SLC24A3: variants seen among roughly 807,000 people sequenced by gnomAD.
SLC24A3 encodes the protein sodium/potassium/calcium exchanger 3.
Under a neutral mutation model 75.8 loss-of-function variants are expected in SLC24A3, and 28 were observed. That is an observed-to-expected ratio of 0.37 (90% CI 0.27 to 0.51). The LOEUF is 0.51. SLC24A3 is among the 20% of genes least tolerant of loss of function. The pLI is 0.94. For missense variants in SLC24A3, 663 were observed against 847.8 expected (o/e 0.78, Z 2.71); for synonymous variants, 372 against 334.1 (o/e 1.11, Z -1.24).
intron 3 of SLC24A3, among the ~76,000 whole-genome samples, chr20:19,561,088 T>C (rs764060782): frequency 9.9e-5 from 15 of 152,182 alleles, no homozygotes; most frequent in Non-Finnish European, 1.9e-4. Flanking sequence ...CGCTGACCTT[T>C]CCTTGTTTGG....
At chr20:19,556,121 G>T (rs924983428) in intron 3 of SLC24A3, among the ~76,000 whole-genome samples, 3 of 151,984 alleles carry the variant, frequency 2.0e-5, no homozygotes, top group African/African-American at 7.2e-5. Context: ...CCATTCATGA[G>T]GGGTCTTCCC....
In SLC24A3 at chr20:19,333,268, G is replaced by A. The variant is rs534435951; in HGVS notation, c.271+52181G>A. Among the ~76,000 whole-genome samples the A allele has an allele frequency of 1.6e-4, 24 of 152,314 alleles. 1 individual carries two copies. Among genetic ancestry groups the A allele is most frequent in the East Asian group, 1.4e-3 (7 of 5,180 alleles). ...ATCAGTAGTTGTGGTCAGACATTCAGTTGGTTATGAAGAGTGGTACCCTTT... is the reference window on the plus strand; with the variant it reads ...ATCAGTAGTTGTGGTCAGACATTCAATTGGTTATGAAGAGTGGTACCCTTT... On this transcript the variant is annotated intron_variant, in intron 2 of 16. Coordinates refer to ENST00000328041, the MANE Select transcript of SLC24A3 (RefSeq NM_020689.4).
At chr20:19,473,479 C>T (rs1249337221) in intron 2 of SLC24A3, among the ~76,000 whole-genome samples, 2 of 152,232 alleles carry the variant, frequency 1.3e-5, no homozygotes, top group African/African-American at 4.8e-5. Flanking sequence ...GGTAACCCGC[C>T]TTGAGCACTT....
At chr20:19,450,856 G>A (rs1183696903) in intron 2 of SLC24A3, among the ~76,000 whole-genome samples, 3 of 152,152 alleles carry the variant, frequency 2.0e-5, no homozygotes, top group Non-Finnish European at 2.9e-5. Flanking sequence ...AAAATTAGCC[G>A]GGCACGTTGG....
chr20:19,528,375 T>A (rs887252337), intron 3 of SLC24A3, among the ~76,000 whole-genome samples: 3 of 152,148 alleles, frequency 2.0e-5, no homozygotes, highest in Non-Finnish European at 4.4e-5. Context: ...TACCTTCCCA[T>A]CTCTTTACCT....
intron 6 of SLC24A3, among the ~76,000 whole-genome samples, chr20:19,617,780 A>G (rs2031754479): frequency 6.6e-6 from 1 of 152,148 alleles, no homozygotes; most frequent in African/African-American, 2.4e-5. Flanking sequence ...AGCAATTATA[A>G]AAAGAGGGAT....
At chr20:19,284,793 T>C (rs866978051) in intron 2 of SLC24A3, among the ~76,000 whole-genome samples, 5 of 152,218 alleles carry the variant, frequency 3.3e-5, no homozygotes, top group Admixed American at 2.6e-4. Context: ...TCTGGTTATA[T>C]TCCCTGTTGG....
chr20:19,428,119 C>G (rs1238903845), intron 2 of SLC24A3, among the ~76,000 whole-genome samples: 3 of 152,184 alleles, frequency 2.0e-5, no homozygotes, highest in Non-Finnish European at 4.4e-5. Context: ...CACTGTGTCT[C>G]GTGCACATTC....
At chr20:19,364,974 G>T (rs1219458765) in intron 2 of SLC24A3, among the ~76,000 whole-genome samples, 4 of 152,164 alleles carry the variant, frequency 2.6e-5, no homozygotes, top group Non-Finnish European at 4.4e-5. Context: ...ACCCAGGGAT[G>T]CATCAGGCAG....
intron 6 of SLC24A3, among the ~76,000 whole-genome samples, chr20:19,645,466 C>CT (rs2032126282): frequency 6.6e-6 from 1 of 152,058 alleles, no homozygotes; most frequent in Non-Finnish European, 1.5e-5. Flanking sequence ...AAGGACAATC[C>CT]TAGCAGAAAG....
At chr20:19,218,046 A>G (rs980533544) in intron 1 of SLC24A3, among the ~76,000 whole-genome samples, 5 of 152,114 alleles carry the variant, frequency 3.3e-5, no homozygotes, top group African/African-American at 1.2e-4. Flanking sequence ...GTACCTCTGT[A>G]CCCCAGTCAC....
chr20:19,492,122 A>G (rs1459340294), intron 2 of SLC24A3, among the ~76,000 whole-genome samples: 1 of 152,144 alleles, frequency 6.6e-6, no homozygotes, highest in African/African-American at 2.4e-5. Context: ...AAAGTTATCT[A>G]CCTTTTGATA....
At chr20:19,543,560 G>C (rs1202476327) in intron 3 of SLC24A3, among the ~76,000 whole-genome samples, 1 of 152,126 alleles carries the variant, frequency 6.6e-6, no homozygotes, top group Non-Finnish European at 1.5e-5. Flanking sequence ...GGGGAGGGAG[G>C]CCAACCTGCG....
chr20:19,581,979 C>G (rs2031224367), intron 4 of SLC24A3, among the ~76,000 whole-genome samples: 1 of 152,210 alleles, frequency 6.6e-6, no homozygotes, highest in Non-Finnish European at 1.5e-5. Flanking sequence ...ATTCATATAA[C>G]AAGAGTGGGT....
At chr20:19,635,159 T>A (rs1335093506) in intron 6 of SLC24A3, among the ~76,000 whole-genome samples, 1 of 152,182 alleles carries the variant, frequency 6.6e-6, no homozygotes, top group African/African-American at 2.4e-5. Context: ...CTCGTTGAAA[T>A]AACAGCCTGA....
intron 2 of SLC24A3, among the ~76,000 whole-genome samples, chr20:19,487,945 C>T (rs561205570): frequency 1.4e-4 from 21 of 152,078 alleles, no homozygotes; most frequent in Non-Finnish European, 2.8e-4. Flanking sequence ...CCTGATGAAC[C>T]AATATATGTG....
intron 1 of SLC24A3, 65 bp downstream of exon 1, chr20:19,213,049 G>GGGCGCGGGGCTC (rs1196268370): frequency 2.3e-5 from 26 of 1,150,050 alleles, no homozygotes; most frequent in Non-Finnish European, 2.8e-5. Context: ...TCCCGGGGCT[G>GGGCGCGGGGCTC]GGCGCGGGGC....
At chr20:19,562,574 G>C (rs2030891600) in intron 3 of SLC24A3, among the ~76,000 whole-genome samples, 1 of 152,184 alleles carries the variant, frequency 6.6e-6, no homozygotes, top group Non-Finnish European at 1.5e-5. Context: ...TATTTTAATG[G>C]GTTGTCATTG....
intron 1 of SLC24A3, among the ~76,000 whole-genome samples, chr20:19,252,449 A>G (rs1292821246): frequency 6.6e-6 from 1 of 152,214 alleles, no homozygotes; most frequent in East Asian, 1.9e-4. Flanking sequence ...CATGGTGGTG[A>G]CGGAGTAGCA....
Sources: gnomAD v4.1 joint callset for allele counts (sites outside exome capture counted in the v4.1 genomes callset) on GRCh38, gnomAD v4.1.1 for gene constraint, MANE v1.5 for transcripts, NCBI Gene and HGNC (gene_info 2026-07-23, HGNC 2026-07-21) for gene names.